Variants in MAJIN observed in about 807,000 individuals in gnomAD.
The protein encoded by MAJIN is membrane anchored junction protein.
MAJIN carries 27 observed loss-of-function variants against 30.2 expected under a neutral mutation model. The observed-to-expected ratio is 0.89, with a 90% CI of 0.66 to 1.23. The LOEUF (loss-of-function observed/expected upper bound fraction) is 1.23, where lower values mean the gene tolerates loss of function less well. Ranked by LOEUF, MAJIN falls within the 50% of genes most tolerant of loss-of-function variation. The probability of loss-of-function intolerance (pLI) is 0.00; values close to 1 mark genes in which losing one functional copy is unlikely to be tolerated. For missense variants in MAJIN, 253 were observed against 260.3 expected (o/e 0.97, Z 0.19); for synonymous variants, 78 against 91.6 (o/e 0.85, Z 0.85).
intron 1 of MAJIN, among the ~76,000 whole-genome samples, chr11:64,966,911 G>A (rs1455209317): frequency 5.5e-5 from 8 of 146,360 alleles, no homozygotes; most frequent in Non-Finnish European, 1.0e-4. Flanking sequence ...TCCAGCCTGA[G>A]CGACAGAATG....
At position 64,938,382 on chromosome 11, in the gene MAJIN, G is replaced by A. The variant is rs1458760981; in HGVS notation, c.*193C>T. ...TCTATTATAAAGGGGCAAAGGACACGATAAAACCACAGAGGACTCAGCATG... is the reference window on the plus strand; with the variant it reads ...TCTATTATAAAGGGGCAAAGGACACAATAAAACCACAGAGGACTCAGCATG... On this transcript the variant is annotated 3_prime_UTR_variant, in exon 11 of 11. Transcript: ENST00000301896. 2.3e-6 allele frequency: 2 copies of A among 876,146 alleles called. No homozygotes were observed. The highest frequency in any genetic ancestry group is 1.5e-5 in the South Asian group (1 of 64,810). 54.3% of individuals were successfully genotyped at this position (876,146 alleles called of 1,614,324 possible). A position where few individuals can be genotyped will look rare whatever the true frequency, so the allele number is the denominator to read the frequency against.
intron 1 of MAJIN, among the ~76,000 whole-genome samples, chr11:64,967,401 T>G (rs962812162): frequency 1.3e-5 from 2 of 151,484 alleles, no homozygotes; most frequent in Non-Finnish European, 2.9e-5. Context: ...AGCGAAACTC[T>G]GTCTCAAAAA....
intron 8 of MAJIN, among the ~76,000 whole-genome samples, chr11:64,944,936 T>C (rs1181173464): frequency 1.3e-5 from 2 of 152,212 alleles, no homozygotes; most frequent in East Asian, 1.9e-4. Context: ...ATCAGATATA[T>C]GAATATCTAA....
intron 9 of MAJIN, 104 bp from the exon 10 acceptor site, chr11:64,939,871 C>A: frequency 1.0e-6 from 1 of 956,728 alleles, no homozygotes; most frequent in Non-Finnish European, 1.5e-6. Flanking sequence ...AGTCTCACGC[C>A]AAGAGTTCTT....
At chr11:64,953,661 C>T in intron 4 of MAJIN, among the ~76,000 whole-genome samples, 1 of 152,078 alleles carries the variant, frequency 6.6e-6, no homozygotes, top group East Asian at 1.9e-4. Flanking sequence ...CGTGGTGGTG[C>T]ACATCGGTAG....
At chr11:64,954,910 CA>C in intron 3 of MAJIN, 108 bp from the exon 4 acceptor site, 1 of 1,003,968 alleles carries the variant, frequency 1.0e-6, no homozygotes, top group Non-Finnish European at 1.5e-6. Flanking sequence ...AGAAACATGA[CA>C]TAAGTAAAAC....
chr11:64,967,787 G>C (rs956441312), intron 1 of MAJIN, among the ~76,000 whole-genome samples: 2 of 152,160 alleles, frequency 1.3e-5, no homozygotes, highest in African/African-American at 2.4e-5. Flanking sequence ...AGTAACAAGA[G>C]AGACATGATC....
intron 8 of MAJIN, among the ~76,000 whole-genome samples, chr11:64,945,042 C>T (rs1033555614): frequency 1.3e-5 from 2 of 152,130 alleles, no homozygotes; most frequent in East Asian, 1.9e-4. Context: ...AGTGCTGATA[C>T]ATGCCTAGCT....
At chr11:64,958,507 T>G (rs1945670588) in intron 3 of MAJIN, among the ~76,000 whole-genome samples, 1 of 150,568 alleles carries the variant, frequency 6.6e-6, no homozygotes, top group Non-Finnish European at 1.5e-5. Context: ...TAGTCCTAGC[T>G]TCTCTGGAAG....
At position 64,959,370 on chromosome 11, in the gene MAJIN, C is replaced by T. The variant is rs1306255262; in HGVS notation, c.36G>A (p.Glu12=). ...TGGGTCCTGCATGAAGAAACCTCGT[C>T]TCTGGAAACGGGTAGGTAAAGGGTT... is the stretch of plus-strand genomic sequence containing the variant. ...SLKPFTYPFP[E]TRFLHAGPNV... is the part of the protein sequence containing the mutation. Residue 12 remains glutamate, a synonymous_variant, in exon 3 of 11, where the codon GAG becomes GAA. Coordinates refer to ENST00000301896, the MANE Select transcript of MAJIN (RefSeq NM_001037225.3). 6.2e-7 allele frequency: 1 copy of T among 1,614,020 alleles called. No homozygotes were observed. The highest frequency in any genetic ancestry group is 2.2e-5 in the East Asian group (1 of 44,874).
At position 64,947,466 on chromosome 11, in the gene MAJIN, C is replaced by A. The variant is rs758379751; in HGVS notation, c.382-1G>T. On this transcript the variant is annotated splice_acceptor_variant, in intron 7 of 10. Coordinates refer to ENST00000301896, the MANE Select transcript of MAJIN (RefSeq NM_001037225.3). LOFTEE classifies it high-confidence loss of function. Reference sequence around the variant, plus strand: ...CTACTGCTTTCTTCTCAACTGGGACCTTCAGGAGGAAGCAGATGCCTGTGA... The same window carrying A: ...CTACTGCTTTCTTCTCAACTGGGACATTCAGGAGGAAGCAGATGCCTGTGA... The A allele has an allele frequency of 6.2e-7, 1 of 1,613,358 alleles. No individual in the cohort carries two copies. Among genetic ancestry groups the A allele is most frequent in the Non-Finnish European group, 8.5e-7 (1 of 1,179,588 alleles).
At chr11:64,965,231 G>A (rs1945788002) in intron 1 of MAJIN, among the ~76,000 whole-genome samples, 1 of 152,196 alleles carries the variant, frequency 6.6e-6, no homozygotes, top group Non-Finnish European at 1.5e-5. Context: ...CACTTGTGCA[G>A]GAATGGATTT....
chr11:64,945,996 G>T, intron 8 of MAJIN: 1 of 1,246,894 alleles, frequency 8.0e-7, no homozygotes, highest in Non-Finnish European at 1.1e-6. Flanking sequence ...ACCAAGATGT[G>T]CTGGTAACCG....
chr11:64,945,337 G>A (rs1206693), intron 8 of MAJIN, among the ~76,000 whole-genome samples: 3 of 151,862 alleles, frequency 2.0e-5, no homozygotes, highest in Non-Finnish European at 2.9e-5. Flanking sequence ...CAGCCTGGGC[G>A]ACAGAGCGAG....
rs1945841683 is a variant in MAJIN, at chr11:64,968,169, G to GT, written c.-65+3707dup. On this transcript the variant is annotated intron_variant, in intron 1 of 10. Transcript: ENST00000301896. ...GAGTGTTAGGCAGGGACCAGATCGT[G>GT]TAAGGCTTGTAGGCCATTGTAAAAA... Among the ~76,000 whole-genome samples, 3 of 152,302 alleles carry GT rather than the reference G, an allele frequency of 2.0e-5. No homozygotes were observed. The South Asian group carries it at 6.2e-4, about 32-fold the overall frequency.
chr11:64,959,606 T>A (rs1945692207), intron 2 of MAJIN, among the ~76,000 whole-genome samples, 184 bp from the exon 3 acceptor site: 1 of 152,190 alleles, frequency 6.6e-6, no homozygotes, highest in Non-Finnish European at 1.5e-5. Flanking sequence ...ATACAGTGTG[T>A]TGGGATAACC....
intron 3 of MAJIN, 109 bp from the exon 4 acceptor site, chr11:64,954,911 A>C: frequency 4.0e-6 from 4 of 1,000,822 alleles, no homozygotes; most frequent in South Asian, 1.6e-5. Flanking sequence ...GAAACATGAC[A>C]TAAGTAAAAC....
Position 64,950,376 on chromosome 11 carries a change from C to CTGTA in MAJIN, c.198_201dup (p.Glu68TyrfsTer10), listed in dbSNP as rs751707367. On this transcript the variant is annotated frameshift_variant, in exon 5 of 11. Transcript: ENST00000301896. LOFTEE classifies it high-confidence loss of function. ...ATACAGGGAAATACAATGAAGTGTT[C>CTGTA]TGTAGCAAAGGGCTGAAGATTGTCC... is the stretch of plus-strand genomic sequence containing the variant. The CTGTA allele has an allele frequency of 2.0e-6, 3 of 1,521,398 alleles. No individual in the cohort carries two copies. Among genetic ancestry groups the CTGTA allele is most frequent in the Non-Finnish European group, 9.1e-7 (1 of 1,101,992 alleles). The allele number at this position is 1,521,398 out of a possible 1,614,324, so 94.2% of individuals were successfully genotyped here. A position where few individuals can be genotyped will look rare whatever the true frequency, so the allele number is the denominator to read the frequency against.
intron 1 of MAJIN, among the ~76,000 whole-genome samples, chr11:64,961,419 G>C (rs189800378): frequency 4.1e-5 from 6 of 148,048 alleles, no homozygotes; most frequent in Non-Finnish European, 8.9e-5. Flanking sequence ...TGCCTGCTTC[G>C]TCCTCCCAAA....
Sources: allele counts gnomAD v4.1 joint callset (sites outside exome capture counted in the v4.1 genomes callset), GRCh38; gene constraint gnomAD v4.1.1; transcripts MANE v1.5; gene names NCBI Gene and HGNC (gene_info 2026-07-23, HGNC 2026-07-21).